DOK4: variants seen among roughly 807,000 people sequenced by gnomAD.
The protein encoded by DOK4 is docking protein 4.
In DOK4, 26 loss-of-function variants were observed where a neutral mutation model predicts 40.1. That is an observed-to-expected ratio of 0.65 (90% CI 0.48 to 0.90). The LOEUF (loss-of-function observed/expected upper bound fraction) is 0.90, where lower values mean the gene tolerates loss of function less well. Ranked by LOEUF, DOK4 falls within the 40% of genes least tolerant of loss-of-function variation. DOK4 has a pLI of 0.00. For synonymous variants in DOK4, 179 were observed against 177.0 expected (o/e 1.01, Z -0.09); for missense variants, 392 against 437.2 (o/e 0.90, Z 0.92).
At chr16:57,473,478 C>A (rs2030974347) in exon 9 of DOK4, 2 of 1,614,098 alleles carry the variant, frequency 1.2e-6, no homozygotes, top group African/African-American at 1.3e-5. Context: ...CTGGCCTGGG[C>A]TGCCCCATAC....
At chr16:57,475,219 T>G (rs781016060) in exon 5 of DOK4, 26 of 1,611,704 alleles carry the variant, frequency 1.6e-5, no homozygotes, top group Admixed American at 1.5e-4. Context: ...TGCCTCTAGC[T>G]CTGAAGAAAA....
chr16:57,473,636 A>G (rs750114365), exon 8 of DOK4: 1 of 1,614,230 alleles, frequency 6.2e-7, no homozygotes, highest in Non-Finnish European at 8.5e-7. Flanking sequence ...GGCTTCGGCG[A>G]TGTTCTGGGA....
chr16:57,472,067 G>A (rs1283146613), exon 9 of DOK4: 7 of 152,710 alleles, frequency 4.6e-5, no homozygotes, highest in African/African-American at 1.7e-4. Context: ...CCTCCCCAAA[G>A]ACCTTTGGAC....
At chr16:57,477,532 G>A (rs2031233981) in intron 2 of DOK4, among the ~76,000 whole-genome samples, 2 of 152,242 alleles carry the variant, frequency 1.3e-5, no homozygotes, top group South Asian at 2.1e-4. Context: ...CACCCTGCCA[G>A]GGTGGGCTCC....
At chr16:57,481,048 G>A (rs1302158723) in intron 1 of DOK4, among the ~76,000 whole-genome samples, 1 of 152,190 alleles carries the variant, frequency 6.6e-6, no homozygotes, top group African/African-American at 2.4e-5. Context: ...TTCAGGATCA[G>A]CGGGTGGGAA....
At chr16:57,472,961 A>G in exon 9 of DOK4, 1 of 167,030 alleles carries the variant, frequency 6.0e-6, no homozygotes, top group Non-Finnish European at 1.3e-5. Context: ...TGGTAGTTCA[A>G]GCAGGTCCTG....
Position 57,478,193 on chromosome 16 carries a change from G to A in DOK4, c.66+1249C>T, listed in dbSNP as rs368258887. Among the ~76,000 whole-genome samples, 5 of 152,262 alleles carry A rather than the reference G, an allele frequency of 3.3e-5. No individual in the cohort carries two copies. The East Asian group carries it at 9.7e-4, about 29-fold the overall frequency. On this transcript the variant is annotated intron_variant, in intron 2 of 8. Coordinates refer to ENST00000340099, the Ensembl canonical transcript of DOK4. Reference sequence around the variant, plus strand: ...TGGGCTGATCCCCCTTTCAGAGGAAGAGCAAAGTAGCCGATGGCTGCCAGG... The same window carrying A: ...TGGGCTGATCCCCCTTTCAGAGGAAAAGCAAAGTAGCCGATGGCTGCCAGG...
chr16:57,472,158 A>G (rs1334084500), exon 9 of DOK4: 1 of 151,002 alleles, frequency 6.6e-6, no homozygotes, highest in Non-Finnish European at 1.5e-5. Context: ...TGACTGCACC[A>G]CCTCCCTAGC....
At chr16:57,486,529 G>A (rs1363737173), upstream of DOK4, 3 of 151,294 alleles carry the variant, frequency 2.0e-5, no homozygotes, top group Non-Finnish European at 3.0e-5. Flanking sequence ...TCGCCGCTGC[G>A]CCCCGCCCCC....
chr16:57,475,036 T>TC, intron 5 of DOK4, 54 bp from the exon 6 acceptor site: 1 of 1,599,602 alleles, frequency 6.3e-7, no homozygotes, highest in Non-Finnish European at 8.5e-7. Flanking sequence ...GATGGGGACT[T>TC]CCTCCCTCCC....
rs767767691 is a variant in DOK4, at chr16:57,473,513, G to T, written c.863-18C>A. 6.2e-7 allele frequency: 1 copy of T among 1,614,234 alleles called. No homozygotes were observed. Among genetic ancestry groups the T allele is most frequent in the South Asian group, 1.1e-5 (1 of 91,088 alleles). On this transcript the variant is annotated intron_variant, in intron 8 of 8. Transcript: ENST00000340099. ...CCCCTCACCTGTGGGCACAGAAGCA[G>T]GCTCAGAACTCAGAGCTAGGTCAAA...
rs767767691 is a variant in DOK4 at position 57,473,513 on chromosome 16, G to A, written c.863-18C>T. ...CCCCTCACCTGTGGGCACAGAAGCA[G>A]GCTCAGAACTCAGAGCTAGGTCAAA... On this transcript the variant is annotated intron_variant, in intron 8 of 8. Coordinates refer to ENST00000340099, the Ensembl canonical transcript of DOK4. 6.2e-7 allele frequency: 1 copy of A among 1,614,234 alleles called. No individual in the cohort carries two copies. Among genetic ancestry groups the A allele is most frequent in the Non-Finnish European group, 8.5e-7 (1 of 1,180,042 alleles).
chr16:57,480,510 G>C (rs1380377893), intron 1 of DOK4: 1 of 153,046 alleles, frequency 6.5e-6, no homozygotes, highest in Non-Finnish European at 1.5e-5. Flanking sequence ...TGGCCCTGGG[G>C]TTGGGAACGC....
intron 2 of DOK4, chr16:57,476,233 G>A (rs961582513): frequency 5.3e-5 from 24 of 453,018 alleles, no homozygotes; most frequent in East Asian, 2.1e-4. Flanking sequence ...TGTGTGCACC[G>A]CTGAGTTTAG....
At chr16:57,487,237 C>G (rs1295143097), upstream of DOK4, 1 of 152,224 alleles carries the variant, frequency 6.6e-6, no homozygotes, top group Non-Finnish European at 1.5e-5. Flanking sequence ...CTGGTTTTCA[C>G]GTCTGTACCT....
intron 2 of DOK4, among the ~76,000 whole-genome samples, chr16:57,477,454 T>A (rs2031230089): frequency 1.3e-5 from 2 of 152,154 alleles, no homozygotes; most frequent in Admixed American, 1.3e-4. Flanking sequence ...GCTAAACAAG[T>A]GAATGACCAT....
In DOK4 at chr16:57,480,937, G is replaced by A. The variant is rs183137383; in HGVS notation, c.-181-1249C>T. Among the ~76,000 whole-genome samples the A allele has an allele frequency of 2.4e-3, 360 of 152,318 alleles. 3 individuals carry two copies. In the Middle Eastern group the frequency reaches 0.041, roughly 17 times the overall value. ...TGGTGATGGAGACCAGTCTGTGGGG[G>A]GAACATCCTGCTGCCGTCTCTGGCT... On this transcript the variant is annotated intron_variant, in intron 1 of 8. Transcript: ENST00000340099.
At position 57,479,696 on chromosome 16, in the gene DOK4, T is replaced by C; in HGVS notation, c.-181-8A>G. ...TCCTTCGCCCCGCGCCTGCTGGAAA[T>C]AAAAATGACAGGGAGATTAGAGACA... On this transcript the variant is annotated splice_polypyrimidine_tract_variant and splice_region_variant and intron_variant, in intron 1 of 8. Transcript: ENST00000340099. This position sits in a 1 kb window ranked among gnomAD's most constrained non-coding sequence, Gnocchi z 5.8. 1.8e-6 allele frequency: 1 copy of C among 544,200 alleles called. No individual in the cohort carries two copies. Among genetic ancestry groups the C allele is most frequent in the East Asian group, 3.2e-5 (1 of 30,854 alleles). The allele number at this position is 544,200 out of a possible 1,614,324, so 33.7% of individuals were successfully genotyped here. A position where few individuals can be genotyped will look rare whatever the true frequency, so the allele number is the denominator to read the frequency against.
chr16:57,479,389 T>A lies in DOK4; in HGVS notation c.66+53A>T, dbSNP rs1171468005. The A allele has an allele frequency of 1.3e-6, 2 of 1,592,108 alleles. 1 individual carries two copies. Among genetic ancestry groups the A allele is most frequent in the South Asian group, 2.2e-5 (2 of 90,322 alleles). ...CCATGCCTCCAAGCCTGGGACCGAG[T>A]CCTCGGGCCCCCATCCCTTGGCAGG... On this transcript the variant is annotated intron_variant, in intron 2 of 8. Transcript: ENST00000340099. This position sits in a 1 kb window ranked among gnomAD's most constrained non-coding sequence, Gnocchi z 5.8.
Sources: allele counts gnomAD v4.1 joint callset (sites outside exome capture counted in the v4.1 genomes callset), GRCh38; gene constraint gnomAD v4.1.1; non-coding constraint Gnocchi (gnomAD v3.1); transcripts MANE v1.5; gene names NCBI Gene and HGNC (gene_info 2026-07-23, HGNC 2026-07-21).